C12orf57: variants seen among roughly 807,000 people sequenced by gnomAD.
The protein encoded by C12orf57 is chromosome 12 open reading frame 57, also known as protein C10.
Under a neutral mutation model 11.3 loss-of-function variants are expected in C12orf57, and 14 were observed. That is an observed-to-expected ratio of 1.24 (90% confidence interval 0.82 to 1.94). The LOEUF is 1.94. Ranked by LOEUF, C12orf57 falls within the 30% of genes most tolerant of loss-of-function variation. The probability of loss-of-function intolerance (pLI) is 0.00; values close to 1 mark genes in which losing one functional copy is unlikely to be tolerated. For synonymous variants in C12orf57, 100 were observed against 74.6 expected, an observed-to-expected ratio of 1.34 and a Z score of -1.76; for missense variants, 229 against 172.4, an observed-to-expected ratio of 1.33 and a Z score of -1.84.
upstream of C12orf57, chr12:6,943,786 A>T (rs1053933785): frequency 3.1e-6 from 3 of 956,286 alleles, no homozygotes; most frequent in Admixed American, 3.4e-5. Flanking sequence ...GTTCCTTTAT[A>T]TCCCATCTTC....
At chr12:6,943,664 T>C (rs1945685388), upstream of C12orf57, 1 of 1,287,646 alleles carries the variant, frequency 7.8e-7, no homozygotes, top group Non-Finnish European at 1.0e-6. Context: ...ATGACTTAAG[T>C]AAGTTCCTTA....
At chr12:6,945,733 C>A (rs782114882) in intron 2 of C12orf57, 38 bp from the exon 3 acceptor site, 2 of 1,608,462 alleles carry the variant, frequency 1.2e-6, no homozygotes, top group Non-Finnish European at 1.7e-6. Flanking sequence ...GCACGCTGGT[C>A]CTTAGGAGAA....
At position 6,944,633 on chromosome 12, in the gene C12orf57, C is replaced by T. The variant is rs1826377256; in HGVS notation, c.210C>T (p.Gly70=). The T allele has an allele frequency of 2.5e-6, 4 of 1,612,878 alleles. No individual in the cohort carries two copies. Among genetic ancestry groups the T allele is most frequent in the African/African-American group, 2.7e-5 (2 of 75,050 alleles). The change falls in exon 2 of 3, where the codon GGC becomes GGT. Residue 70 remains glycine (G), a synonymous_variant. Coordinates refer to ENST00000229281, the MANE Select transcript of C12orf57 (RefSeq NM_138425.4). Reference sequence around the variant, plus strand: ...AGCAGGAGGTTATCAAAGCCTATGGCTTCAGCTGCGACGGGGAAGGTGGGT... The same window carrying T: ...AGCAGGAGGTTATCAAAGCCTATGGTTTCAGCTGCGACGGGGAAGGTGGGT... ...QIQQEVIKAY[G]FSCDGEGVLK... is the part of the protein sequence containing the mutation.
chr12:6,945,867 C>T lies in C12orf57; in HGVS notation c.326C>T (p.Pro109Leu). Residue 109 changes from proline to leucine, a missense_variant, in exon 3 of 3, where the codon CCC (proline) becomes CTC (leucine). By Grantham distance (98) the Pro-to-Leu change is moderately conservative (BLOSUM62 -3). Transcript: ENST00000229281. ...AAGCTGAAGGCGCTGTTTCTGCCGC[C>T]CATGACCCTGCCACCCCATGGGCCT... ...SGKLKALFLP[P>L]MTLPPHGPAA... 1 of 1,613,730 alleles carries T rather than the reference C, an allele frequency of 6.2e-7. No homozygotes were observed. The highest frequency in any genetic ancestry group is 1.1e-5 in the South Asian group (1 of 90,988).
upstream of C12orf57, chr12:6,943,493 G>T (rs782377845): frequency 7.9e-7 from 1 of 1,272,960 alleles, no homozygotes. Flanking sequence ...AAGGCCTTTA[G>T]GAAACTGCGA....
rs146024802 is a variant in C12orf57 at position 6,944,485 on chromosome 12, C to G, written c.62C>G (p.Ala21Gly). 4.3e-6 allele frequency: 7 copies of G among 1,612,100 alleles called. No individual in the cohort carries two copies. The Admixed American group carries it at 8.3e-5, about 19-fold the overall frequency. Residue 21 changes from alanine to glycine, a missense_variant, in exon 2 of 3, where the codon GCG becomes GGG. Ala to Gly is a moderately conservative substitution (Grantham distance 60). Coordinates refer to ENST00000229281, the MANE Select transcript of C12orf57 (RefSeq NM_138425.4). ...LSAEQAKVVL[A>G]EVIQAFSAPE... The stretch of plus-strand genomic sequence containing the variant: ...TGCTTCTGGCGCGCAGTGGTCCTCG[C>G]GGAGGTGATCCAGGCGTTCTCCGCC...
At chr12:6,945,218 C>CA in intron 2 of C12orf57, 1 of 191,696 alleles carries the variant, frequency 5.2e-6, no homozygotes, top group Non-Finnish European at 1.1e-5. Context: ...ATTATTATTC[C>CA]ATTTTGTGAT....
chr12:6,943,821 T>TG (rs1945691569), upstream of C12orf57: 7 of 853,238 alleles, frequency 8.2e-6, no homozygotes, highest in Non-Finnish European at 1.2e-5. Flanking sequence ...CGCAGCAGTG[T>TG]TACAGCTCTT....
chr12:6,943,886 T>TG (rs1945698658), upstream of C12orf57: 2 of 1,029,686 alleles, frequency 1.9e-6, no homozygotes, highest in Non-Finnish European at 2.7e-6. Context: ...CCTCTTATGA[T>TG]GTTTGTTGCC....
chr12:6,944,527 G>A lies in C12orf57; in HGVS notation c.104G>A (p.Arg35His). ...QAFSAPENAV[R>H]MDEARDNACN... ...TTCTCCGCCCCGGAGAATGCAGTGC[G>A]CATGGACGAGGCTCGGGATAACGCC... Residue 35 changes from arginine to histidine, a missense_variant, in exon 2 of 3, where the codon CGC (arginine) becomes CAC (histidine). Physicochemically the swap from Arg to His is conservative, Grantham distance 29. Coordinates refer to ENST00000229281, the MANE Select transcript of C12orf57 (RefSeq NM_138425.4). 4 of 1,613,932 alleles carry A rather than the reference G, an allele frequency of 2.5e-6. No individual in the cohort carries two copies. The highest frequency in any genetic ancestry group is 3.4e-6 in the Non-Finnish European group (4 of 1,180,020).
intron 2 of C12orf57, chr12:6,945,228 TGAG>T (rs1182558939): frequency 1.0e-5 from 2 of 191,066 alleles, no homozygotes; most frequent in Non-Finnish European, 2.2e-5. Context: ...CATTTTGTGA[TGAG>T]GAAGCAAACT....
upstream of C12orf57, chr12:6,943,934 AG>A: frequency 7.4e-7 from 1 of 1,346,158 alleles, no homozygotes; most frequent in Non-Finnish European, 1.0e-6. Flanking sequence ...AATTATGGGT[AG>A]TTTTGGTGGT....
rs781915786 is a variant in C12orf57, at chr12:6,945,809, G to A, written c.268G>A (p.Ala90Thr). ...KFARLVKSYEAQDPEIASLSG... is the reference protein window; with the variant it reads ...KFARLVKSYETQDPEIASLSG... ...TGCTCGCTTGGTCAAGTCCTACGAAGCCCAGGATCCTGAGATCGCCAGCCT... is the reference window on the plus strand; with the variant it reads ...TGCTCGCTTGGTCAAGTCCTACGAAACCCAGGATCCTGAGATCGCCAGCCT... The change falls in exon 3 of 3, where the codon GCC becomes ACC. Residue 90 changes from alanine (A) to threonine (T), a missense_variant. Coordinates refer to ENST00000229281, the MANE Select transcript of C12orf57 (RefSeq NM_138425.4). 8.1e-6 allele frequency: 13 copies of A among 1,613,804 alleles called. No homozygotes were observed. The Admixed American group carries it at 2.2e-4, about 27-fold the overall frequency.
upstream of C12orf57, chr12:6,943,975 A>G (rs1215837119): frequency 1.1e-5 from 17 of 1,565,444 alleles, no homozygotes; most frequent in East Asian, 9.0e-5. Flanking sequence ...TGGGGTATGA[A>G]GGTTTGGGCC....
chr12:6,944,216 T>C (rs782256024), intron 1 of C12orf57, 43 bp downstream of exon 1: 4 of 1,580,854 alleles, frequency 2.5e-6, no homozygotes, highest in South Asian at 1.1e-5. Context: ...TGGCCTGGGG[T>C]AGTCAAGGCA....
chr12:6,944,006 G>C (rs942087254), upstream of C12orf57: 3 of 1,596,836 alleles, frequency 1.9e-6, no homozygotes, highest in Non-Finnish European at 2.5e-6. Flanking sequence ...GCTTCCGGCT[G>C]CGCCGGATGC....
At position 6,944,590 on chromosome 12, in the gene C12orf57, C is replaced by T. The variant is rs782137991; in HGVS notation, c.167C>T (p.Pro56Leu). 6.2e-7 allele frequency: 1 copy of T among 1,614,152 alleles called. No homozygotes were observed. Among genetic ancestry groups the T allele is most frequent in the South Asian group, 1.1e-5 (1 of 91,090 alleles). Reference sequence around the variant, plus strand: ...GGTAAGATGCTGCAATTCGTGCTGCCCGTGGCCACGCAGATCCAGCAGGAG... The same window carrying T: ...GGTAAGATGCTGCAATTCGTGCTGCTCGTGGCCACGCAGATCCAGCAGGAG... ...DMGKMLQFVL[P>L]VATQIQQEVI... Residue 56 changes from proline (P) to leucine (L), a missense_variant, in exon 2 of 3, where the codon CCC (proline) becomes CTC (leucine). Pro to Leu is a moderately conservative substitution (Grantham distance 98, BLOSUM62 -3). Transcript: ENST00000229281.
upstream of C12orf57, chr12:6,943,919 G>A (rs782697621): frequency 6.2e-5 from 79 of 1,273,234 alleles, no homozygotes; most frequent in African/African-American, 2.9e-4. Context: ...TTTTCACTGT[G>A]CAAAAATTAT....
At chr12:6,944,850 A>G (rs1945759887) in intron 2 of C12orf57, 198 bp downstream of exon 2, 1 of 1,435,742 alleles carries the variant, frequency 7.0e-7, no homozygotes, top group Middle Eastern at 1.9e-4. Flanking sequence ...TTTGTACAGT[A>G]GAGGTTCTGT....
Sources: gnomAD v4.1 joint callset for allele counts on GRCh38, gnomAD v4.1.1 for gene constraint, MANE v1.5 for transcripts, NCBI Gene and HGNC (gene_info 2026-07-23, HGNC 2026-07-21) for gene names.